The following IFT52 variants were observed in gnomAD, a reference collection of about 807,000 sequenced individuals.
IFT52 encodes the protein intraflagellar transport protein 52 homolog.
Under a neutral mutation model 54.4 loss-of-function variants are expected in IFT52, and 44 were observed. The observed-to-expected ratio is 0.81, with a 90% CI of 0.63 to 1.04. The LOEUF (loss-of-function observed/expected upper bound fraction) is 1.04. Ranked by LOEUF, IFT52 falls within the 50% of genes least tolerant of loss-of-function variation. The pLI is 0.00. For missense variants in IFT52, 452 were observed against 523.6 expected (o/e 0.86, Z 1.33); for synonymous variants, 181 against 185.3 (o/e 0.98, Z 0.19).
chr20:43,610,147 C>T lies in IFT52; in HGVS notation c.486-3703C>T, dbSNP rs543701758. On this transcript the variant is annotated intron_variant, in intron 6 of 13. Coordinates refer to ENST00000373030, the MANE Select transcript of IFT52 (RefSeq NM_016004.5). ...CTCTACTAAAAAATACAAAACTTAG[C>T]CAGACGTGGTGGCACAAGCCTGTAA... is the stretch of plus-strand genomic sequence containing the variant. 2.7e-5 allele frequency among the ~76,000 whole-genome samples: 4 copies of T among 150,798 alleles called. No homozygotes were observed. In the South Asian group the frequency reaches 6.3e-4, roughly 24 times the overall value.
At chr20:43,623,081 G>A (rs1488401233) in intron 9 of IFT52, among the ~76,000 whole-genome samples, 1 of 152,104 alleles carries the variant, frequency 6.6e-6, no homozygotes, top group Non-Finnish European at 1.5e-5. Flanking sequence ...ATGCTAGGGG[G>A]TGGGCACATG....
chr20:43,636,159 C>T, intron 11 of IFT52, 146 bp downstream of exon 11: 1 of 699,112 alleles, frequency 1.4e-6, no homozygotes, highest in South Asian at 1.8e-5. Flanking sequence ...CATGCATGGA[C>T]ACCAAATTTG....
At chr20:43,617,558 C>G (rs4810388) in intron 7 of IFT52, among the ~76,000 whole-genome samples, 116,391 of 151,712 alleles carry the variant, frequency 0.77, 44,899 homozygotes, top group East Asian at 0.8. Flanking sequence ...ATTCTCATGC[C>G]TCAGCTTCCT....
chr20:43,609,474 TA>T (rs1983242380), intron 6 of IFT52, among the ~76,000 whole-genome samples: 1 of 152,008 alleles, frequency 6.6e-6, no homozygotes, highest in South Asian at 2.1e-4. Flanking sequence ...TTTTTAATAT[TA>T]AAAATGAAAG....
Position 43,622,325 on chromosome 20 carries a change from G to A in IFT52, c.768+1400G>A, listed in dbSNP as rs867515671. ...TATATTTAACCACTCTCGGCCGGGC[G>A]CGGTGGCTCACGCCTGTAATCCCAG... On this transcript the variant is annotated intron_variant, in intron 9 of 13. Transcript: ENST00000373030. 7.3e-4 allele frequency among the ~76,000 whole-genome samples: 111 copies of A among 152,186 alleles called. No individual in the cohort carries two copies. The Middle Eastern group carries it at 0.014, about 19-fold the overall frequency.
intron 6 of IFT52, among the ~76,000 whole-genome samples, chr20:43,606,575 G>C (rs1450494823): frequency 6.6e-6 from 1 of 151,674 alleles, no homozygotes; most frequent in African/African-American, 2.4e-5. Flanking sequence ...GTACAGTTTT[G>C]TGCACTTGTG....
intron 9 of IFT52, among the ~76,000 whole-genome samples, chr20:43,623,242 T>TA (rs1184565456): frequency 6.6e-6 from 1 of 152,168 alleles, no homozygotes; most frequent in Non-Finnish European, 1.5e-5. Context: ...TGGTGTGCAG[T>TA]GGTTTGATCA....
At chr20:43,607,930 C>A (rs1385902362) in intron 6 of IFT52, among the ~76,000 whole-genome samples, 2 of 152,200 alleles carry the variant, frequency 1.3e-5, no homozygotes, top group African/African-American at 4.8e-5. Flanking sequence ...GGATCACTCG[C>A]GGTTAGGAGC....
rs373292042 is a variant in IFT52 at position 43,596,432 on chromosome 20, C to T, written c.120-3C>T. ...ATATTTGCTTTTAAAATTGTATTTCCAGCTTAAAAGATGAAATCACATCTG... is the reference window on the plus strand; with the variant it reads ...ATATTTGCTTTTAAAATTGTATTTCTAGCTTAAAAGATGAAATCACATCTG... On this transcript the variant is annotated splice_region_variant and splice_polypyrimidine_tract_variant and intron_variant, in intron 2 of 13. Transcript: ENST00000373030. 6 of 1,562,680 alleles carry T rather than the reference C, an allele frequency of 3.8e-6. No individual in the cohort carries two copies. Among genetic ancestry groups the T allele is most frequent in the African/African-American group, 1.4e-5 (1 of 73,554 alleles).
At chr20:43,643,092 A>G (rs1986031893) in intron 13 of IFT52, among the ~76,000 whole-genome samples, 1 of 151,830 alleles carries the variant, frequency 6.6e-6, no homozygotes, top group South Asian at 2.1e-4. Context: ...ACTTGAACCC[A>G]GAAGGCAGAG....
Position 43,623,995 on chromosome 20 carries a change from C to T in IFT52, c.873C>T (p.Phe291=), listed in dbSNP as rs778437833. Residue 291 remains phenylalanine (F), a synonymous_variant, in exon 10 of 14, where the codon TTC becomes TTT. Transcript: ENST00000373030. ...DEIPRDFTTL[F]DLSIFQLDTT... ...TCCCAAGGGACTTTACCACCCTCTT[C>T]GACCTGTCCATCTTCCAGCTGGATA... 8.7e-6 allele frequency: 14 copies of T among 1,614,042 alleles called. No individual in the cohort carries two copies. In the Admixed American group the frequency reaches 1.8e-4, roughly 21 times the overall value.
rs377307012 is a variant in IFT52, at chr20:43,594,763, A to G, written c.65A>G (p.Asn22Ser). The change falls in exon 2 of 14, where the codon AAC becomes AGC. Residue 22 changes from asparagine to serine, a missense_variant. Transcript: ENST00000373030. Reference sequence around the variant, plus strand: ...TACAAAAAGGAGATATTTACCACCAACAATGGCTACAAATCCATGCAGAAA... The same window carrying G: ...TACAAAAAGGAGATATTTACCACCAGCAATGGCTACAAATCCATGCAGAAA... ...NAYKKEIFTTNNGYKSMQKKL... is the reference protein window; with the variant it reads ...NAYKKEIFTTSNGYKSMQKKL... 3 of 1,613,438 alleles carry G rather than the reference A, an allele frequency of 1.9e-6. No homozygotes were observed. Among genetic ancestry groups the G allele is most frequent in the Admixed American group, 3.3e-5 (2 of 60,024 alleles).
chr20:43,603,460 C>T (rs1391342502), intron 3 of IFT52, among the ~76,000 whole-genome samples: 1 of 152,048 alleles, frequency 6.6e-6, no homozygotes, highest in Non-Finnish European at 1.5e-5. Context: ...TAGGTGGAGA[C>T]CAGGGGTGCT....
chr20:43,642,844 A>T lies in IFT52; in HGVS notation c.1266+220A>T, dbSNP rs545765093. ...AGTAAACATAAGTGAGTCACATAGG[A>T]TGCTAGAAAATGGTAAGTGCTTTGG... On this transcript the variant is annotated intron_variant, in intron 13 of 13. Transcript: ENST00000373030. Among the ~76,000 whole-genome samples, 16 of 152,272 alleles carry T rather than the reference A, an allele frequency of 1.1e-4. No homozygotes were observed. In the South Asian group the frequency reaches 2.3e-3, roughly 22 times the overall value.
intron 10 of IFT52, among the ~76,000 whole-genome samples, chr20:43,635,153 G>A (rs1393179090): frequency 4.7e-5 from 7 of 148,790 alleles, no homozygotes; most frequent in African/African-American, 1.7e-4. Context: ...AGGTGACAGA[G>A]CAAGACTCTG....
intron 6 of IFT52, among the ~76,000 whole-genome samples, chr20:43,609,916 T>C (rs886325074): frequency 1.3e-5 from 2 of 150,290 alleles, no homozygotes; most frequent in Non-Finnish European, 3.0e-5. Flanking sequence ...ACCACTGCAC[T>C]CCAGCCTGGG....
chr20:43,618,876 G>A, intron 7 of IFT52, 64 bp from the exon 8 acceptor site: 1 of 995,068 alleles, frequency 1.0e-6, no homozygotes. Context: ...TAAGTGTCTG[G>A]GTACTAGGAT....
At chr20:43,620,219 G>T (rs979262954) in intron 8 of IFT52, among the ~76,000 whole-genome samples, 4 of 151,966 alleles carry the variant, frequency 2.6e-5, no homozygotes, top group Admixed American at 6.6e-5. Context: ...CCCGGCCTAG[G>T]TATTCTTCTT....
At chr20:43,622,560 G>T (rs1984384371) in intron 9 of IFT52, among the ~76,000 whole-genome samples, 1 of 151,202 alleles carries the variant, frequency 6.6e-6, no homozygotes. Flanking sequence ...CCAAGAGCAT[G>T]CCACTGCACT....
Sources: gnomAD v4.1 joint callset for allele counts (sites outside exome capture counted in the v4.1 genomes callset) on GRCh38, gnomAD v4.1.1 for gene constraint, MANE v1.5 for transcripts, NCBI Gene and HGNC (gene_info 2026-07-23, HGNC 2026-07-21) for gene names.